The following PPP1CC variants were observed in gnomAD, a reference collection of about 807,000 sequenced individuals.
The protein encoded by PPP1CC is protein phosphatase 1 catalytic subunit gamma, also known as serine/threonine-protein phosphatase PP1-gamma catalytic subunit.
Under a neutral mutation model 38.4 loss-of-function variants are expected in PPP1CC, and 16 were observed. That is an observed-to-expected ratio of 0.42 (90% CI 0.28 to 0.63). PPP1CC has a LOEUF of 0.63. Among genes scored for constraint, PPP1CC ranks in the 30% least tolerant of loss-of-function variants. The pLI, the probability that PPP1CC is intolerant of heterozygous loss-of-function variation, is 0.25. For missense variants in PPP1CC, 170 were observed against 391.3 expected (o/e 0.43, Z 4.77); for synonymous variants, 158 against 136.0 (o/e 1.16, Z -1.13).
intron 4 of PPP1CC, among the ~76,000 whole-genome samples, chr12:110,723,054 A>ATGATTGATGG (rs2069757799): frequency 6.6e-6 from 1 of 152,242 alleles, no homozygotes. Context: ...GCTTATAATG[A>ATGATTGATGG]CTGAGCTGAG....
chr12:110,740,506 C>A (rs917907361), intron 1 of PPP1CC, among the ~76,000 whole-genome samples: 11 of 152,100 alleles, frequency 7.2e-5, no homozygotes, highest in African/African-American at 1.9e-4. Flanking sequence ...TAGATATCTA[C>A]ATATCCTCAA....
chr12:110,720,591 G>A lies in PPP1CC; in HGVS notation c.*485C>T. On this transcript the variant is annotated 3_prime_UTR_variant, in exon 7 of 7. Transcript: ENST00000335007. ...GTTTGTACATAACAAGACAATGAGA[G>A]GAAAAAGCAATCCCTTTGAAACAAA... 1.0e-5 allele frequency: 2 copies of A among 197,392 alleles called. No individual in the cohort carries two copies. Among genetic ancestry groups the A allele is most frequent in the South Asian group, 1.1e-4 (1 of 8,856 alleles). The allele number at this position is 197,392 out of a possible 1,614,324, so 12.2% of individuals were successfully genotyped here.
At chr12:110,710,547 T>C in the PPP1CC span, among the ~76,000 whole-genome samples, 306 of 151,178 alleles carry the variant, frequency 2.0e-3, 1 homozygote, top group African/African-American at 7.1e-3. Flanking sequence ...TGAAACCCCA[T>C]CTCTACTAAA....
Position 110,730,729 on chromosome 12 carries a change from A to G in PPP1CC, c.218T>C (p.Leu73Pro). ...GDIHGQYYDL[L>P]RLFEYGGFPP... ...GAAACCACCGTACTCAAAAAGTCGC[A>G]GCAAATCATAGTATTGTCCATGGAT... The change falls in exon 3 of 7, where the codon CTG (leucine) becomes CCG (proline). Residue 73 changes from leucine to proline, a missense_variant. Leu to Pro is a moderately conservative substitution (Grantham distance 98). Transcript: ENST00000335007. The G allele has an allele frequency of 6.2e-7, 1 of 1,613,794 alleles. No homozygotes were observed. Among genetic ancestry groups the G allele is most frequent in the Non-Finnish European group, 8.5e-7 (1 of 1,179,902 alleles).
chr12:110,716,455 C>A (rs530840002), downstream of PPP1CC, among the ~76,000 whole-genome samples: 4 of 151,886 alleles, frequency 2.6e-5, no homozygotes, highest in South Asian at 8.3e-4. Context: ...CAGGTTCAAG[C>A]GATTCTCCTG....
chr12:110,710,501 A>G, the PPP1CC span, among the ~76,000 whole-genome samples: 5 of 150,166 alleles, frequency 3.3e-5, no homozygotes, highest in Non-Finnish European at 1.5e-5. Context: ...GGTGGATCAC[A>G]AGGTCAGAAG....
chr12:110,712,410 T>G, the PPP1CC span, among the ~76,000 whole-genome samples: 1 of 148,612 alleles, frequency 6.7e-6, no homozygotes, highest in African/African-American at 2.5e-5. Flanking sequence ...GAGGCCAAGG[T>G]GGGTGGATGG....
At chr12:110,716,324 T>C (rs11065704), downstream of PPP1CC, among the ~76,000 whole-genome samples, 269 of 152,260 alleles carry the variant, frequency 1.8e-3, 11 homozygotes, top group East Asian at 0.05. Flanking sequence ...AAAATTCTAT[T>C]TCCCTATTAC....
At chr12:110,734,893 G>A (rs2069924613) in intron 1 of PPP1CC, 1 of 149,744 alleles carries the variant, frequency 6.7e-6, no homozygotes, top group Admixed American at 6.6e-5. Context: ...CGGAGGCTGA[G>A]GCAGAAGAAT....
chr12:110,719,206 G>A (rs1447729346), downstream of PPP1CC, among the ~76,000 whole-genome samples: 1 of 152,120 alleles, frequency 6.6e-6, no homozygotes, highest in Non-Finnish European at 1.5e-5. Flanking sequence ...CACAAGTTTG[G>A]ATATTGTCAA....
At chr12:110,730,878 A>C in intron 2 of PPP1CC, 119 bp from the exon 3 acceptor site, 1 of 658,386 alleles carries the variant, frequency 1.5e-6, no homozygotes, top group Non-Finnish European at 2.5e-6. Flanking sequence ...TCTAGTAATG[A>C]GAGTTTAACT....
chr12:110,724,552 A>G, intron 4 of PPP1CC, 108 bp downstream of exon 4: 1 of 686,884 alleles, frequency 1.5e-6, no homozygotes, highest in Non-Finnish European at 2.7e-6. Context: ...TCAACAAAGG[A>G]GAGTGTTCTG....
At chr12:110,737,133 T>C (rs2069952453) in intron 1 of PPP1CC, among the ~76,000 whole-genome samples, 1 of 152,124 alleles carries the variant, frequency 6.6e-6, no homozygotes, top group Admixed American at 6.6e-5. Flanking sequence ...AGCATTCCCA[T>C]AAACGACTGA....
chr12:110,728,994 G>A lies in PPP1CC; in HGVS notation c.418+1535C>T, dbSNP rs867728512. Reference sequence around the variant, plus strand: ...CTAGGTTACGATGTGGTCTAGGGGAGGGCCACAGGGACAACCCTTTGCTGA... The same window carrying A: ...CTAGGTTACGATGTGGTCTAGGGGAAGGCCACAGGGACAACCCTTTGCTGA... On this transcript the variant is annotated intron_variant, in intron 3 of 6. Transcript: ENST00000335007. 5.3e-5 allele frequency among the ~76,000 whole-genome samples: 8 copies of A among 152,226 alleles called. 1 individual carries two copies. Among genetic ancestry groups the A allele is most frequent in the African/African-American group, 1.9e-4 (8 of 41,536 alleles).
intron 4 of PPP1CC, among the ~76,000 whole-genome samples, chr12:110,723,032 TTA>T (rs770036802): frequency 6.6e-6 from 1 of 152,248 alleles, no homozygotes; most frequent in Non-Finnish European, 1.5e-5. Flanking sequence ...ATGAGCGATG[TTA>T]TGATTGATGG....
Position 110,723,483 on chromosome 12 carries a change from G to A in PPP1CC, c.524-788C>T, listed in dbSNP as rs118183964. 6.8e-3 allele frequency among the ~76,000 whole-genome samples: 1,029 copies of A among 152,238 alleles called. 1 individual carries two copies. Among genetic ancestry groups the A allele is most frequent in the Non-Finnish European group, 9.3e-3 (630 of 68,018 alleles). On this transcript the variant is annotated intron_variant, in intron 4 of 6. Coordinates refer to ENST00000335007, the MANE Select transcript of PPP1CC (RefSeq NM_002710.4). ...TTACATTATAGAAAGCACAACCACT[G>A]AGCAAAGCAAAACAGCTTATAACAT...
intron 3 of PPP1CC, among the ~76,000 whole-genome samples, chr12:110,729,875 A>C (rs1566085221): frequency 6.6e-6 from 1 of 152,270 alleles, no homozygotes; most frequent in Non-Finnish European, 1.5e-5. Context: ...ATTACATAAT[A>C]AAGTTGCTTA....
At chr12:110,711,419 A>G in the PPP1CC span, among the ~76,000 whole-genome samples, 1 of 151,958 alleles carries the variant, frequency 6.6e-6, no homozygotes. Context: ...TTAACAGTAT[A>G]TTGCTTAGGG....
downstream of PPP1CC, among the ~76,000 whole-genome samples, chr12:110,715,627 T>C (rs1303948381): frequency 6.6e-6 from 1 of 151,674 alleles, no homozygotes; most frequent in East Asian, 1.9e-4. Context: ...ATGCTACTTT[T>C]TTTCTTTTTT....
Sources: allele counts gnomAD v4.1 joint callset (sites outside exome capture counted in the v4.1 genomes callset), GRCh38; gene constraint gnomAD v4.1.1; transcripts MANE v1.5; gene names NCBI Gene and HGNC (gene_info 2026-07-23, HGNC 2026-07-21).